The following VWA3B variants were observed in gnomAD, a reference collection of about 807,000 sequenced individuals.
VWA3B encodes von Willebrand factor A domain containing 3B.
Under a neutral mutation model 158.3 loss-of-function variants are expected in VWA3B, and 138 were observed. The observed-to-expected ratio is 0.87, with a 90% CI of 0.76 to 1.00. The LOEUF is 1.00. Among genes scored for constraint, VWA3B ranks in the 50% least tolerant of loss-of-function variants. The pLI is 0.00. For missense variants in VWA3B, 1,555 were observed against 1,565.1 expected (o/e 0.99, Z 0.11); for synonymous variants, 596 against 587.3 (o/e 1.01, Z -0.21).
chr2:98,093,557 T>C (rs1682506270), intron 2 of VWA3B, among the ~76,000 whole-genome samples: 1 of 152,244 alleles, frequency 6.6e-6, no homozygotes, highest in Non-Finnish European at 1.5e-5. Context: ...GTATTTATCA[T>C]GTACAACATG....
At chr2:98,207,551 A>G in intron 12 of VWA3B, 1 of 520,470 alleles carries the variant, frequency 1.9e-6, no homozygotes, top group Non-Finnish European at 3.8e-6. Flanking sequence ...CAGCCATTCC[A>G]GGCTGCTGAG....
rs149946005 is a variant in VWA3B at position 98,227,040 on chromosome 2, G to A, written c.2020-1162G>A. On this transcript the variant is annotated intron_variant, in intron 14 of 27. Coordinates refer to ENST00000477737, the MANE Select transcript of VWA3B (RefSeq NM_144992.5). Reference sequence around the variant, plus strand: ...TATTCAACATAGTATTGGATTTCTGGCCAGGGCAATCGGGCAAGAGAAAGA... The same window carrying A: ...TATTCAACATAGTATTGGATTTCTGACCAGGGCAATCGGGCAAGAGAAAGA... Among the ~76,000 whole-genome samples, 379 of 152,244 alleles carry A rather than the reference G, an allele frequency of 2.5e-3. 1 individual carries two copies. The highest frequency in any genetic ancestry group is 9.0e-3 in the African/African-American group (374 of 41,530).
At chr2:98,261,478 G>A (rs1400178675) in intron 21 of VWA3B, among the ~76,000 whole-genome samples, 1 of 151,734 alleles carries the variant, frequency 6.6e-6, no homozygotes, top group Non-Finnish European at 1.5e-5. Context: ...ATTTACCTGT[G>A]TAGTTATCTT....
intron 21 of VWA3B, among the ~76,000 whole-genome samples, chr2:98,258,535 G>A (rs1687292844): frequency 6.6e-6 from 1 of 151,786 alleles, no homozygotes; most frequent in Admixed American, 6.6e-5. Context: ...CTTCAGCAAT[G>A]TTATATAGTT....
At chr2:98,104,093 T>C (rs1415812532) in intron 2 of VWA3B, among the ~76,000 whole-genome samples, 1 of 152,220 alleles carries the variant, frequency 6.6e-6, no homozygotes, top group African/African-American at 2.4e-5. Flanking sequence ...CTATAGTCTA[T>C]ATATTAAAGA....
At chr2:98,314,990 A>G (rs961560066), downstream of VWA3B, among the ~76,000 whole-genome samples, 1 of 152,122 alleles carries the variant, frequency 6.6e-6, no homozygotes, top group African/African-American at 2.4e-5. Context: ...TCTCAAAAAA[A>G]AAAAAAGAAA....
intron 16 of VWA3B, among the ~76,000 whole-genome samples, chr2:98,233,156 C>G (rs1405872161): frequency 1.3e-5 from 2 of 152,168 alleles, no homozygotes; most frequent in African/African-American, 4.8e-5. Flanking sequence ...TGCTACTTGT[C>G]TTAAACATTT....
intron 12 of VWA3B, among the ~76,000 whole-genome samples, chr2:98,199,181 T>C (rs1682324480): frequency 6.6e-6 from 1 of 152,208 alleles, no homozygotes; most frequent in South Asian, 2.1e-4. Context: ...TTTATTCCCT[T>C]TTATTGATAA....
At chr2:98,095,161 G>A (rs957593124) in intron 2 of VWA3B, among the ~76,000 whole-genome samples, 6 of 152,168 alleles carry the variant, frequency 3.9e-5, no homozygotes, top group Non-Finnish European at 5.9e-5. Context: ...TGTCTGTGAA[G>A]AATGTCATTG....
intron 21 of VWA3B, among the ~76,000 whole-genome samples, chr2:98,264,934 G>C (rs912525566): frequency 1.3e-5 from 2 of 152,072 alleles, no homozygotes; most frequent in Admixed American, 6.5e-5. Flanking sequence ...GATTTGGGTA[G>C]TATGGACATT....
At chr2:98,328,538 T>A in the VWA3B span, among the ~76,000 whole-genome samples, 19,208 of 152,250 alleles carry the variant, frequency 0.13, 1,806 homozygotes, top group Non-Finnish European at 0.19. Context: ...TCAATTGTAT[T>A]TCTATGTATA....
rs1415624048 is a variant in VWA3B, at chr2:98,090,924, T to TA, written c.-32-2125dup. 7.1e-4 allele frequency among the ~76,000 whole-genome samples: 102 copies of TA among 144,086 alleles called. 1 individual carries two copies. Among genetic ancestry groups the TA allele is most frequent in the Non-Finnish European group, 8.9e-4 (58 of 65,422 alleles). The allele number at this position is 144,086 out of a possible 152,430, so 94.5% of individuals were successfully genotyped here. A position where few individuals can be genotyped will look rare whatever the true frequency, so the allele number is the denominator to read the frequency against. Reference sequence around the variant, plus strand: ...GCATGCACCACCATGCCTGGCTAATTAAAAAAAAAAAATTAGTAGAGATGA... The same window carrying TA: ...GCATGCACCACCATGCCTGGCTAATTAAAAAAAAAAAAATTAGTAGAGATGA... On this transcript the variant is annotated intron_variant, in intron 1 of 27. Transcript: ENST00000477737.
chr2:98,100,953 AT>A (rs1397295102), intron 2 of VWA3B, among the ~76,000 whole-genome samples: 3 of 152,184 alleles, frequency 2.0e-5, no homozygotes, highest in Non-Finnish European at 4.4e-5. Context: ...GTAGGGGACA[AT>A]CACTGGAAAG....
intron 8 of VWA3B, among the ~76,000 whole-genome samples, chr2:98,165,548 G>A (rs1678995813): frequency 6.6e-6 from 1 of 152,166 alleles, no homozygotes; most frequent in African/African-American, 2.4e-5. Flanking sequence ...AGGGCAGAGG[G>A]CAGGGAGGTC....
chr2:98,194,510 C>T lies in VWA3B; in HGVS notation c.1737+18C>T. 6.2e-7 allele frequency: 1 copy of T among 1,612,134 alleles called. No individual in the cohort carries two copies. Among genetic ancestry groups the T allele is most frequent in the Non-Finnish European group, 8.5e-7 (1 of 1,178,562 alleles). ...ACATAAAGGTAAGTTGGAGACTAAG[C>T]TGGGAGAAGCATCCTAGGAGTCTCT... On this transcript the variant is annotated intron_variant, in intron 12 of 27. Coordinates refer to ENST00000477737, the MANE Select transcript of VWA3B (RefSeq NM_144992.5).
chr2:98,310,233 T>C (rs1344670575), intron 26 of VWA3B, among the ~76,000 whole-genome samples: 1 of 152,162 alleles, frequency 6.6e-6, no homozygotes, highest in Non-Finnish European at 1.5e-5. Context: ...TAGGGCACAA[T>C]ACAAACGAGA....
At chr2:98,212,664 T>C (rs991384750) in intron 13 of VWA3B, among the ~76,000 whole-genome samples, 1 of 152,206 alleles carries the variant, frequency 6.6e-6, no homozygotes, top group Admixed American at 6.5e-5. Context: ...CCTTGTGAGA[T>C]GGTTTGCATA....
chr2:98,272,347 C>T (rs898154509), intron 22 of VWA3B, among the ~76,000 whole-genome samples: 3 of 152,204 alleles, frequency 2.0e-5, no homozygotes, highest in African/African-American at 7.2e-5. Flanking sequence ...TGAAGAGATG[C>T]ATCATGTGAG....
At chr2:98,196,255 A>G (rs1682029723) in intron 12 of VWA3B, among the ~76,000 whole-genome samples, 1 of 152,174 alleles carries the variant, frequency 6.6e-6, no homozygotes, top group South Asian at 2.1e-4. Flanking sequence ...AAAATTGTCA[A>G]GAGAGTAAAT....
Sources: allele counts gnomAD v4.1 joint callset (sites outside exome capture counted in the v4.1 genomes callset), GRCh38; gene constraint gnomAD v4.1.1; transcripts MANE v1.5; gene names NCBI Gene and HGNC (gene_info 2026-07-23, HGNC 2026-07-21).